Variants in CAMSAP1 observed in about 807,000 individuals in gnomAD.
CAMSAP1 encodes the protein calmodulin regulated spectrin associated protein 1.
A neutral mutation model predicts 143.5 loss-of-function variants in CAMSAP1; 58 were observed. The ratio of observed to expected loss-of-function variants is 0.40; its 90% confidence interval spans 0.33 to 0.50. The LOEUF (loss-of-function observed/expected upper bound fraction) is 0.50, where lower values mean the gene tolerates loss of function less well. Ranked by LOEUF, CAMSAP1 falls within the 20% of genes least tolerant of loss-of-function variation. The pLI is 0.45. For missense variants in CAMSAP1, 1,969 were observed against 2,115.7 expected (o/e 0.93, Z 1.36); for synonymous variants, 945 against 859.3 (o/e 1.10, Z -1.74).
chr9:135,824,948 C>T lies in CAMSAP1; in HGVS notation c.1224-68G>A. 1 of 1,239,618 alleles carries T rather than the reference C, an allele frequency of 8.1e-7. No homozygotes were observed. Among genetic ancestry groups the T allele is most frequent in the South Asian group, 1.3e-5 (1 of 76,040 alleles). 76.8% of individuals were successfully genotyped at this position (1,239,618 alleles called of 1,614,324 possible). Reference sequence around the variant, plus strand: ...AACTTCAAGGTCAACAGCAAATGCACAAGTGTACAGGACCATCCTGAATTC... The same window carrying T: ...AACTTCAAGGTCAACAGCAAATGCATAAGTGTACAGGACCATCCTGAATTC... On this transcript the variant is annotated intron_variant, in intron 8 of 16. Coordinates refer to ENST00000389532, the MANE Select transcript of CAMSAP1 (RefSeq NM_015447.4). This position sits in a 1 kb window ranked among gnomAD's most constrained non-coding sequence, Gnocchi z 4.1.
intron 7 of CAMSAP1, among the ~76,000 whole-genome samples, chr9:135,847,111 G>A (rs1013586394): frequency 6.6e-6 from 1 of 152,122 alleles, no homozygotes; most frequent in African/African-American, 2.4e-5. Context: ...ACTTTGGGAG[G>A]CTGAGGCGGG....
At chr9:135,816,076 C>A in intron 14 of CAMSAP1, 71 bp from the exon 15 acceptor site, 2 of 1,423,754 alleles carry the variant, frequency 1.4e-6, no homozygotes, top group South Asian at 1.2e-5. Flanking sequence ...TGGCAAGGGG[C>A]TGGCCCGCAA....
intron 4 of CAMSAP1, 96 bp downstream of exon 4, chr9:135,866,360 T>A: frequency 1.4e-6 from 1 of 692,276 alleles, no homozygotes; most frequent in Middle Eastern, 4.0e-4. Context: ...TGAGTAAAAA[T>A]AGAGAATAAG....
Position 135,826,976 on chromosome 9 carries a change from T to C in CAMSAP1, c.1223+431A>G, listed in dbSNP as rs897289433. Among the ~76,000 whole-genome samples the C allele has an allele frequency of 1.3e-5, 2 of 152,250 alleles. No individual in the cohort carries two copies. Among genetic ancestry groups the C allele is most frequent in the East Asian group, 3.8e-4 (2 of 5,204 alleles). ...TATACACTTTTTCACTCGAATCAAA[T>C]TAATTCTTCCCCAAAGAGCAAACAA... On this transcript the variant is annotated intron_variant, in intron 8 of 16. Coordinates refer to ENST00000389532, the MANE Select transcript of CAMSAP1 (RefSeq NM_015447.4). The surrounding 1 kb of genome is among the most constrained non-coding windows in gnomAD (Gnocchi z 4.4).
At chr9:135,832,640 T>G (rs1320758457) in intron 7 of CAMSAP1, among the ~76,000 whole-genome samples, 1 of 152,178 alleles carries the variant, frequency 6.6e-6, no homozygotes, top group East Asian at 1.9e-4. Context: ...TAGAAAATCC[T>G]AAAGGCTCCA....
intron 1 of CAMSAP1, among the ~76,000 whole-genome samples, chr9:135,899,481 C>T (rs1375419388): frequency 3.3e-5 from 5 of 151,502 alleles, no homozygotes; most frequent in Admixed American, 3.3e-4. Flanking sequence ...TGGGCATTAA[C>T]CATTGTATCC....
intron 1 of CAMSAP1, among the ~76,000 whole-genome samples, chr9:135,896,370 TAAAGCCTCA>T (rs1838452628): frequency 6.6e-6 from 1 of 152,072 alleles, no homozygotes; most frequent in African/African-American, 2.4e-5. Flanking sequence ...CACCAAACTA[TAAAGCCTCA>T]AAGTACATGA....
intron 16 of CAMSAP1, among the ~76,000 whole-genome samples, chr9:135,813,522 G>A (rs375477367): frequency 1.4e-3 from 216 of 152,326 alleles, no homozygotes; most frequent in South Asian, 0.012. Context: ...AATTTGTAGC[G>A]ACAGCGGGAC....
At chr9:135,874,491 C>G (rs113174891) in intron 3 of CAMSAP1, among the ~76,000 whole-genome samples, 2,089 of 102,190 alleles carry the variant, frequency 0.02, 128 homozygotes, top group African/African-American at 0.073. Flanking sequence ...GGGGGGGGGG[C>G]CACAGGGGCC....
chr9:135,848,366 C>A (rs1163410354), intron 7 of CAMSAP1, among the ~76,000 whole-genome samples: 14 of 152,088 alleles, frequency 9.2e-5, no homozygotes, highest in Admixed American at 8.5e-4. Context: ...GAGAGAGAAA[C>A]TGCATAAAAC....
intron 3 of CAMSAP1, among the ~76,000 whole-genome samples, chr9:135,881,372 A>T (rs1203169463): frequency 6.6e-6 from 1 of 151,898 alleles, no homozygotes; most frequent in Non-Finnish European, 1.5e-5. Context: ...AAAAAAAAAA[A>T]ATTTAAAGGC....
chr9:135,855,957 C>A (rs1284237601), intron 5 of CAMSAP1, among the ~76,000 whole-genome samples: 2 of 151,670 alleles, frequency 1.3e-5, no homozygotes, highest in Non-Finnish European at 2.9e-5. Context: ...TAGGCTGAGG[C>A]AGGAGAATGG....
In CAMSAP1 at chr9:135,819,014, C is replaced by A; in HGVS notation, c.3955G>T (p.Ala1319Ser). 6.2e-7 allele frequency: 1 copy of A among 1,606,124 alleles called. No individual in the cohort carries two copies. The highest frequency in any genetic ancestry group is 1.1e-5 in the South Asian group (1 of 90,384). ...CCCCCCCGGCGGGACGCTTACCGGG[C>A]TTCGTCACGCTTGAGCTCCACCTCC... ...EAEVELKRDE[A>S]RRKAEEDRVR... The change falls in exon 12 of 17, where the codon GCC becomes TCC. Residue 1319 changes from alanine to serine, a missense_variant. By Grantham distance (99) the Ala-to-Ser change is moderately conservative. Coordinates refer to ENST00000389532, the MANE Select transcript of CAMSAP1 (RefSeq NM_015447.4).
At position 135,817,584 on chromosome 9, in the gene CAMSAP1, T is replaced by TG. The variant is rs55797234; in HGVS notation, c.4271+392dup. Among the ~76,000 whole-genome samples, 978 of 151,922 alleles carry TG rather than the reference T, an allele frequency of 6.4e-3. 9 individuals are homozygous for TG. Among genetic ancestry groups the TG allele is most frequent in the Admixed American group, 0.011 (164 of 15,254 alleles). On this transcript the variant is annotated intron_variant, in intron 14 of 16. Coordinates refer to ENST00000389532, the MANE Select transcript of CAMSAP1 (RefSeq NM_015447.4). ...CTTTTTTTTGTATTTTTTGTAGAGATGGGGGGGTCTCACTCTGTTGCCCAG... is the reference window on the plus strand; with the variant it reads ...CTTTTTTTTGTATTTTTTGTAGAGATGGGGGGGGTCTCACTCTGTTGCCCAG...
intron 5 of CAMSAP1, 68 bp downstream of exon 5, chr9:135,862,399 A>G: frequency 6.9e-7 from 1 of 1,453,688 alleles, no homozygotes; most frequent in Non-Finnish European, 9.3e-7. Flanking sequence ...ATATATGTGG[A>G]TCAATGTACA....
intron 1 of CAMSAP1, among the ~76,000 whole-genome samples, chr9:135,894,029 A>G (rs1838371597): frequency 6.6e-6 from 1 of 152,124 alleles, no homozygotes; most frequent in South Asian, 2.1e-4. Flanking sequence ...CACAGGCCTG[A>G]TGCTTCCTGA....
At chr9:135,886,809 C>T (rs1429716979) in intron 1 of CAMSAP1, among the ~76,000 whole-genome samples, 2 of 152,246 alleles carry the variant, frequency 1.3e-5, no homozygotes, top group African/African-American at 4.8e-5. Flanking sequence ...GGCAGGCAGC[C>T]CCGGGAAGGG....
At chr9:135,828,700 C>G (rs1006044479) in intron 7 of CAMSAP1, among the ~76,000 whole-genome samples, 7 of 152,194 alleles carry the variant, frequency 4.6e-5, no homozygotes, top group African/African-American at 1.7e-4. Flanking sequence ...CCCTGCTGGC[C>G]CCACGCTTAG....
At chr9:135,819,993 CA>C (rs1835387404) in intron 11 of CAMSAP1, among the ~76,000 whole-genome samples, 1 of 152,202 alleles carries the variant, frequency 6.6e-6, no homozygotes, top group Admixed American at 6.5e-5. Flanking sequence ...TGCCTGGAGG[CA>C]AAGCAGAAAC....
Sources: allele counts gnomAD v4.1 joint callset (sites outside exome capture counted in the v4.1 genomes callset), GRCh38; gene constraint gnomAD v4.1.1; non-coding constraint Gnocchi (gnomAD v3.1); transcripts MANE v1.5; gene names NCBI Gene and HGNC (gene_info 2026-07-23, HGNC 2026-07-21).